Variants in LRP4 observed in about 807,000 individuals in gnomAD.
The protein encoded by LRP4 is LDL receptor related protein 4.
In LRP4, 95 loss-of-function variants were observed where a neutral mutation model predicts 220.3. That is an observed-to-expected ratio of 0.43 (90% CI 0.37 to 0.51). LRP4 has a LOEUF of 0.51. Ranked by LOEUF, LRP4 falls within the 20% of genes least tolerant of loss-of-function variation. The pLI, the probability that LRP4 is intolerant of heterozygous loss-of-function variation, is 0.00. For missense variants in LRP4, 1,925 were observed against 2,567.0 expected (o/e 0.75, Z 5.40); for synonymous variants, 903 against 954.6 (o/e 0.95, Z 1.00).
chr11:46,894,772 C>A lies in LRP4; in HGVS notation c.1357G>T (p.Val453Leu). The A allele has an allele frequency of 6.2e-7, 1 of 1,614,230 alleles. No homozygotes were observed. The highest frequency in any genetic ancestry group is 2.2e-5 in the East Asian group (1 of 44,888). Residue 453 changes from valine (V) to leucine (L), a missense_variant, in exon 12 of 38, where the codon GTG becomes TTG. Physicochemically the swap from Val to Leu is conservative, Grantham distance 32 (BLOSUM62 1). Transcript: ENST00000378623. ...LFANRIDIRQ[V>L]LPHRSEYTLL... is the part of the protein sequence containing the mutation. Reference sequence around the variant, plus strand: ...GTGTACTCAGAGCGGTGTGGCAGCACCTGCCGGATGTCGATGCGATTGGCG... The same window carrying A: ...GTGTACTCAGAGCGGTGTGGCAGCAACTGCCGGATGTCGATGCGATTGGCG...
rs758027807 is a variant in LRP4, at chr11:46,875,997, C to A, written c.3537-31G>T. 30 of 1,603,840 alleles carry A rather than the reference C, an allele frequency of 1.9e-5. No individual in the cohort carries two copies. The South Asian group carries it at 3.1e-4, about 16-fold the overall frequency. On this transcript the variant is annotated intron_variant, in intron 25 of 37. Coordinates refer to ENST00000378623, the MANE Select transcript of LRP4 (RefSeq NM_002334.4). This position sits in a 1 kb window ranked among gnomAD's most constrained non-coding sequence, Gnocchi z 4.5. ...TGAGGAAGAATATTAGCTATATTAGCTAGTTATTCCAGCAGCTACCACATA... is the reference window on the plus strand; with the variant it reads ...TGAGGAAGAATATTAGCTATATTAGATAGTTATTCCAGCAGCTACCACATA...
rs374136378 is a variant in LRP4 at position 46,899,847 on chromosome 11, C to T, written c.430+16G>A. 1.4e-5 allele frequency: 22 copies of T among 1,611,056 alleles called. No individual in the cohort carries two copies. The highest frequency in any genetic ancestry group is 1.2e-4 in the African/African-American group (9 of 75,006). ...ACTGGCCACCTTGCCTGCCTTCCCC[C>T]GTTGGGGTCACCCACCACACTGCTC... On this transcript the variant is annotated intron_variant, in intron 4 of 37. Coordinates refer to ENST00000378623, the MANE Select transcript of LRP4 (RefSeq NM_002334.4). This position sits in a 1 kb window ranked among gnomAD's most constrained non-coding sequence, Gnocchi z 5.9.
In LRP4 at chr11:46,875,659, T is replaced by C. The variant is rs769260734; in HGVS notation, c.3722A>G (p.Asn1241Ser). Residue 1241 changes from asparagine (N) to serine (S), a missense_variant, in exon 27 of 38, where the codon AAT becomes AGT. Transcript: ENST00000378623. This position sits in a 1 kb window ranked among gnomAD's most constrained non-coding sequence, Gnocchi z 4.5. ...HTERIEAADL[N>S]GANRHTLVSP... ...CACCAATGTATGCCGATTGGCACCA[T>C]TCAGGTCAGCAGCCTCAATTCGCTG... 4 of 1,614,004 alleles carry C rather than the reference T, an allele frequency of 2.5e-6. No homozygotes were observed. The South Asian group carries it at 3.3e-5, about 13-fold the overall frequency.
At chr11:46,891,811 T>C (rs1403298513) in intron 13 of LRP4, among the ~76,000 whole-genome samples, 1 of 152,024 alleles carries the variant, frequency 6.6e-6, no homozygotes, top group African/African-American at 2.4e-5. Context: ...AGATGGGGTT[T>C]TGCCATGTTG....
At position 46,869,002 on chromosome 11, in the gene LRP4, G is replaced by A; in HGVS notation, c.4823C>T (p.Pro1608Leu). The part of the protein sequence containing the change: ...EGLMDIIVVS[P>L]QRQTGTNACG... ...CGGGAGCCCACCTGTCTGCCGCTGA[G>A]GGGAAACCACGATGATATCCATGAG... The change falls in exon 32 of 38, where the codon CCT becomes CTT. Residue 1608 changes from proline (P) to leucine (L), a missense_variant. Physicochemically the swap from Pro to Leu is moderately conservative, Grantham distance 98 (BLOSUM62 -3). Around this residue, in one of 3 missense-constraint regions of LRP4, gnomAD observed 1,244 missense variants for 1,624.9 expected, o/e 0.77. Transcript: ENST00000378623. The A allele has an allele frequency of 6.2e-7, 1 of 1,614,130 alleles. No homozygotes were observed. The highest frequency in any genetic ancestry group is 1.3e-5 in the African/African-American group (1 of 75,038).
chr11:46,878,607 A>G (rs143433087), intron 22 of LRP4, among the ~76,000 whole-genome samples: 5 of 152,132 alleles, frequency 3.3e-5, no homozygotes, highest in Non-Finnish European at 7.4e-5. Flanking sequence ...TCAGTATATT[A>G]TGACAATGTA....
Position 46,877,309 on chromosome 11 carries a change from C to T in LRP4, c.3167G>A (p.Arg1056Lys). 6.2e-7 allele frequency: 1 copy of T among 1,614,106 alleles called. No homozygotes were observed. Among genetic ancestry groups the T allele is most frequent in the East Asian group, 2.2e-5 (1 of 44,878 alleles). The change falls in exon 23 of 38, where the codon AGG becomes AAG. Residue 1056 changes from arginine to lysine, a missense_variant. Arg to Lys is a conservative substitution (Grantham distance 26). Around this residue, in one of 3 missense-constraint regions of LRP4, gnomAD observed 1,244 missense variants for 1,624.9 expected, o/e 0.77. Transcript: ENST00000378623. The part of the protein sequence containing the change: ...GMNSFLIFAR[R>K]IDIRMVSLDI... The stretch of plus-strand genomic sequence containing the variant: ...CAGGGAGACCATGCGAATGTCTATC[C>T]TCCTGGCGAAGATGAGGAAACTGTT...
chr11:46,864,182 T>C (rs1394372370), intron 36 of LRP4, among the ~76,000 whole-genome samples: 1 of 152,210 alleles, frequency 6.6e-6, no homozygotes, highest in Non-Finnish European at 1.5e-5. Context: ...CCTTGGGTAA[T>C]ATCCTCTGTG....
chr11:46,899,823 C>A lies in LRP4; in HGVS notation c.430+40G>T. ...TCTTCTCCCATGGCCAGGCCACCCA[C>A]TGGCCACCTTGCCTGCCTTCCCCCG... On this transcript the variant is annotated intron_variant, in intron 4 of 37. Coordinates refer to ENST00000378623, the MANE Select transcript of LRP4 (RefSeq NM_002334.4). This position sits in a 1 kb window ranked among gnomAD's most constrained non-coding sequence, Gnocchi z 5.9. The A allele has an allele frequency of 6.4e-7, 1 of 1,553,248 alleles. No individual in the cohort carries two copies. The highest frequency in any genetic ancestry group is 2.2e-5 in the East Asian group (1 of 44,572).
intron 28 of LRP4, chr11:46,874,482 C>T (rs781175686): frequency 4.2e-5 from 14 of 331,788 alleles, no homozygotes; most frequent in Non-Finnish European, 7.8e-5. Flanking sequence ...ATGGCCTACT[C>T]ATCAGTAAGT....
chr11:46,876,397 C>T (rs981823392), intron 25 of LRP4, 69 bp downstream of exon 25: 1 of 1,594,328 alleles, frequency 6.3e-7, no homozygotes, highest in East Asian at 2.2e-5. Flanking sequence ...CACTACCCAC[C>T]TTTACCCCGT....
At chr11:46,912,163 C>T (rs1179310483) in intron 1 of LRP4, among the ~76,000 whole-genome samples, 2 of 152,096 alleles carry the variant, frequency 1.3e-5, no homozygotes, top group Admixed American at 6.6e-5. Context: ...CAATGTAAGA[C>T]GGGAATCTAA....
Position 46,876,832 on chromosome 11 carries a change from T to C in LRP4, c.3278-2A>G. ...TGCTGTCAGACCAGTACACCTTTCC[T>C]GGAGAGGGAAAGCTTGGCTCAACCT... is the stretch of plus-strand genomic sequence containing the variant. On this transcript the variant is annotated splice_acceptor_variant, in intron 23 of 37. Transcript: ENST00000378623. LOFTEE classifies it high-confidence loss of function. 1 of 1,612,678 alleles carries C rather than the reference T, an allele frequency of 6.2e-7. No homozygotes were observed. The highest frequency in any genetic ancestry group is 8.5e-7 in the Non-Finnish European group (1 of 1,178,944).
Position 46,873,309 on chromosome 11 carries a change from C to T in LRP4, c.4448+66G>A. 6.2e-7 allele frequency: 1 copy of T among 1,611,528 alleles called. No individual in the cohort carries two copies. The highest frequency in any genetic ancestry group is 8.5e-7 in the Non-Finnish European group (1 of 1,178,216). On this transcript the variant is annotated intron_variant, in intron 29 of 37. Transcript: ENST00000378623. The surrounding 1 kb of genome is among the most constrained non-coding windows in gnomAD (Gnocchi z 4.2). The stretch of plus-strand genomic sequence containing the variant: ...AGAGGTTGAGAGAACACAGAGGACC[C>T]ACTAACACCATCTTTCCACCCAGCC...
Position 46,900,329 on chromosome 11 carries a change from G to A in LRP4, c.249C>T (p.Cys83=). The A allele has an allele frequency of 6.2e-7, 1 of 1,614,116 alleles. No individual in the cohort carries two copies. The highest frequency in any genetic ancestry group is 8.5e-7 in the Non-Finnish European group (1 of 1,179,988). ...PLDFHCDNGK[C]IRRSWVCDGD... ...CGTCACACACCCAGGAGCGGCGGAT[G>A]CACTTGCCATTGTCACAGTGAAAGT... Residue 83 remains cysteine (C), a synonymous_variant, in exon 3 of 38, where the codon TGC becomes TGT. Transcript: ENST00000378623.
rs1233386437 is a variant in LRP4, at chr11:46,895,994, C to A, written c.1073G>T (p.Cys358Phe). 2.3e-5 allele frequency: 37 copies of A among 1,614,058 alleles called. No individual in the cohort carries two copies. Among genetic ancestry groups the A allele is most frequent in the Non-Finnish European group, 3.1e-5 (37 of 1,180,046 alleles). ...NCRPRTGEEN[C>F]NVNNGGCAQK... ...GGCACAGCCACCGTTGTTAACATTG[C>A]AGTTCTCCTCACCCGTCCGGGGCCC... Residue 358 changes from cysteine to phenylalanine, a missense_variant, in exon 10 of 38, where the codon TGC becomes TTC. Physicochemically the swap from Cys to Phe is radical, Grantham distance 205. This residue lies in a region of LRP4 where 412 missense variants were observed against 505.4 expected (regional missense o/e 0.82). Coordinates refer to ENST00000378623, the MANE Select transcript of LRP4 (RefSeq NM_002334.4).
At position 46,895,995 on chromosome 11, in the gene LRP4, A is replaced by C; in HGVS notation, c.1072T>G (p.Cys358Gly). The C allele has an allele frequency of 6.2e-7, 1 of 1,614,118 alleles. No homozygotes were observed. The highest frequency in any genetic ancestry group is 8.5e-7 in the Non-Finnish European group (1 of 1,180,032). ...GCACAGCCACCGTTGTTAACATTGC[A>C]GTTCTCCTCACCCGTCCGGGGCCCT... is the stretch of plus-strand genomic sequence containing the variant. Reference protein sequence around the residue: ...NCRPRTGEENCNVNNGGCAQK... With the variant: ...NCRPRTGEENGNVNNGGCAQK... Residue 358 changes from cysteine (C) to glycine (G), a missense_variant, in exon 10 of 38, where the codon TGC becomes GGC. This residue lies in a region of LRP4 where 412 missense variants were observed against 505.4 expected (regional missense o/e 0.82). Coordinates refer to ENST00000378623, the MANE Select transcript of LRP4 (RefSeq NM_002334.4).
At position 46,877,326 on chromosome 11, in the gene LRP4, G is replaced by A. The variant is rs2134802462; in HGVS notation, c.3150C>T (p.Phe1050=). 1.2e-6 allele frequency: 2 copies of A among 1,614,110 alleles called. No homozygotes were observed. Among genetic ancestry groups the A allele is most frequent in the Non-Finnish European group, 1.7e-6 (2 of 1,180,024 alleles). The change falls in exon 23 of 38, where the codon TTC becomes TTT. Residue 1050 remains phenylalanine, a synonymous_variant. Transcript: ENST00000378623. ...GKTCSPGMNS[F]LIFARRIDIR... is the part of the protein sequence containing the mutation. Reference sequence around the variant, plus strand: ...TGTCTATCCTCCTGGCGAAGATGAGGAAACTGTTCATGCCTGCCAGGTGGA... The same window carrying A: ...TGTCTATCCTCCTGGCGAAGATGAGAAAACTGTTCATGCCTGCCAGGTGGA...
intron 1 of LRP4, among the ~76,000 whole-genome samples, chr11:46,917,234 G>T (rs1288428964): frequency 6.6e-6 from 1 of 152,190 alleles, no homozygotes; most frequent in African/African-American, 2.4e-5. Context: ...GACCAGGCAG[G>T]GTCTCCAGAC....
Sources: gnomAD v4.1 joint callset for allele counts (sites outside exome capture counted in the v4.1 genomes callset) on GRCh38, gnomAD v4.1.1 for gene constraint, gnomAD v4.1.1 regional missense constraint, Gnocchi (gnomAD v3.1) non-coding constraint, MANE v1.5 for transcripts, NCBI Gene and HGNC (gene_info 2026-07-23, HGNC 2026-07-21) for gene names.